The following KIAA0319 variants were observed in gnomAD, a reference collection of about 807,000 sequenced individuals.
KIAA0319 encodes dyslexia-associated protein KIAA0319.
Under a neutral mutation model 108.4 loss-of-function variants are expected in KIAA0319, and 83 were observed. That is an observed-to-expected ratio of 0.77 (90% confidence interval 0.64 to 0.92). The LOEUF (loss-of-function observed/expected upper bound fraction) is 0.92, where lower values mean the gene tolerates loss of function less well. Among genes scored for constraint, KIAA0319 ranks in the 40% least tolerant of loss-of-function variants. The pLI, the probability that KIAA0319 is intolerant of heterozygous loss-of-function variation, is 0.00. For synonymous variants in KIAA0319, 484 were observed against 510.4 expected (o/e 0.95, Z 0.70); for missense variants, 1,195 against 1,322.4 (o/e 0.90, Z 1.49).
intron 20 of KIAA0319, among the ~76,000 whole-genome samples, chr6:24,550,886 G>A (rs1184900755): frequency 5.3e-5 from 8 of 152,074 alleles, no homozygotes; most frequent in Non-Finnish European, 1.2e-4. Flanking sequence ...ATGCCTCAAA[G>A]TATTACACCA....
downstream of KIAA0319, among the ~76,000 whole-genome samples, chr6:24,542,017 G>A (rs1760210782): frequency 6.6e-6 from 1 of 152,208 alleles, no homozygotes; most frequent in South Asian, 2.1e-4. Context: ...ACACACATCT[G>A]TAATCCCAGC....
At chr6:24,609,308 G>C (rs1331621384) in intron 1 of KIAA0319, among the ~76,000 whole-genome samples, 1 of 140,382 alleles carries the variant, frequency 7.1e-6, no homozygotes, top group African/African-American at 2.6e-5. Flanking sequence ...AAAAAAGAAA[G>C]TCCGGGCGCA....
intron 20 of KIAA0319, among the ~76,000 whole-genome samples, chr6:24,550,762 C>G (rs981525457): frequency 6.6e-6 from 1 of 152,044 alleles, no homozygotes; most frequent in Non-Finnish European, 1.5e-5. Flanking sequence ...CACCCTCCAC[C>G]CGCGAGTAGA....
chr6:24,583,415 T>C (rs1489233558), intron 5 of KIAA0319, among the ~76,000 whole-genome samples, 189 bp downstream of exon 5: 1 of 152,214 alleles, frequency 6.6e-6, no homozygotes, highest in East Asian at 1.9e-4. Flanking sequence ...TTTCCTAGAT[T>C]CTTACTCCAT....
chr6:24,634,462 C>T (rs1470220634), intron 1 of KIAA0319, among the ~76,000 whole-genome samples: 2 of 152,086 alleles, frequency 1.3e-5, no homozygotes, highest in African/African-American at 4.8e-5. Flanking sequence ...AAGAGCATCA[C>T]AATGAATATT....
intron 2 of KIAA0319, chr6:24,600,659 A>G: frequency 1.3e-6 from 2 of 1,535,600 alleles, no homozygotes; most frequent in South Asian, 1.2e-5. Context: ...GTCTTCTTAA[A>G]TGATGCTCAC....
intron 3 of KIAA0319, among the ~76,000 whole-genome samples, chr6:24,590,882 C>G (rs1768364644): frequency 6.6e-6 from 1 of 152,206 alleles, no homozygotes; most frequent in Non-Finnish European, 1.5e-5. Context: ...ACACAAGGTC[C>G]TCTCTGACAA....
chr6:24,547,434 G>A lies in KIAA0319; in HGVS notation c.3041-91C>T, dbSNP rs754895152. On this transcript the variant is annotated intron_variant, in intron 20 of 20. Coordinates refer to ENST00000378214, the MANE Select transcript of KIAA0319 (RefSeq NM_014809.4). ...TGGTTGCAGGTCCTGTGATGGGCAC[G>A]GAGTGGTGCTCTCCGCCCCTTGAAA... The A allele has an allele frequency of 1.4e-5, 15 of 1,081,482 alleles. No homozygotes were observed. The East Asian group carries it at 2.3e-4, about 17-fold the overall frequency. The allele number at this position is 1,081,482 out of a possible 1,614,324, so 67.0% of individuals were successfully genotyped here.
chr6:24,571,899 C>T (rs998917372), intron 11 of KIAA0319, among the ~76,000 whole-genome samples: 2 of 152,218 alleles, frequency 1.3e-5, no homozygotes, highest in Non-Finnish European at 2.9e-5. Context: ...TTTAGTAGAG[C>T]GCCAATCACA....
At chr6:24,602,701 T>A (rs1272252864) in intron 1 of KIAA0319, among the ~76,000 whole-genome samples, 1 of 151,998 alleles carries the variant, frequency 6.6e-6, no homozygotes, top group Non-Finnish European at 1.5e-5. Context: ...CTCGGGAGGC[T>A]GAGGCAGGAG....
intron 10 of KIAA0319, 140 bp downstream of exon 10, chr6:24,576,228 T>C (rs1475357341): frequency 2.8e-6 from 2 of 706,504 alleles, no homozygotes; most frequent in Admixed American, 2.7e-5. Context: ...GCTTAGGTCC[T>C]TTTCTAATAG....
At chr6:24,622,396 C>G (rs551847271) in intron 1 of KIAA0319, among the ~76,000 whole-genome samples, 5 of 145,446 alleles carry the variant, frequency 3.4e-5, no homozygotes, top group African/African-American at 1.3e-4. Flanking sequence ...CAAAGAAAAA[C>G]TTTAAACCAC....
intron 18 of KIAA0319, 105 bp downstream of exon 18, chr6:24,556,502 T>C (rs1401724657): frequency 7.9e-6 from 10 of 1,272,408 alleles, no homozygotes; most frequent in Non-Finnish European, 1.1e-5. Flanking sequence ...GAAGTCTCAC[T>C]ATGTTGCCCA....
intron 1 of KIAA0319, among the ~76,000 whole-genome samples, chr6:24,630,043 G>C (rs1775311605): frequency 6.6e-6 from 1 of 152,156 alleles, no homozygotes; most frequent in Non-Finnish European, 1.5e-5. Context: ...GCCGGGCATG[G>C]TGGCGCATGC....
chr6:24,610,459 A>T (rs1772129908), intron 1 of KIAA0319, among the ~76,000 whole-genome samples: 1 of 152,252 alleles, frequency 6.6e-6, no homozygotes, highest in Non-Finnish European at 1.5e-5. Flanking sequence ...GAGAAATTGG[A>T]ATCCTCATAC....
chr6:24,591,348 C>T lies in KIAA0319; in HGVS notation c.802-2563G>A, dbSNP rs566263695. 3.6e-4 allele frequency among the ~76,000 whole-genome samples: 55 copies of T among 152,270 alleles called. 1 individual carries two copies. The highest frequency in any genetic ancestry group is 1.0e-3 in the African/African-American group (42 of 41,556). Reference sequence around the variant, plus strand: ...TGGGGCCAGGCATAATTGCTCACACCTGTAATCCCAGCATTTTAGGAGGCC... The same window carrying T: ...TGGGGCCAGGCATAATTGCTCACACTTGTAATCCCAGCATTTTAGGAGGCC... On this transcript the variant is annotated intron_variant, in intron 3 of 20. Coordinates refer to ENST00000378214, the MANE Select transcript of KIAA0319 (RefSeq NM_014809.4).
At position 24,572,590 on chromosome 6, in the gene KIAA0319, C is replaced by T; in HGVS notation, c.1843G>A (p.Val615Met). ...SRQQSTAVVT[V>M]IVQPENNRPP... ...CTCCACCTACCAGGCTGGACAATCA[C>T]AGTCACCACAGCAGTAGACTGTTGC... The change falls in exon 11 of 21, where the codon GTG becomes ATG. Residue 615 changes from valine to methionine, a missense_variant. Coordinates refer to ENST00000378214, the MANE Select transcript of KIAA0319 (RefSeq NM_014809.4). 1 of 1,613,334 alleles carries T rather than the reference C, an allele frequency of 6.2e-7. No homozygotes were observed. The highest frequency in any genetic ancestry group is 8.5e-7 in the Non-Finnish European group (1 of 1,179,764).
chr6:24,552,724 G>A (rs1388189498), intron 19 of KIAA0319, among the ~76,000 whole-genome samples: 1 of 152,056 alleles, frequency 6.6e-6, no homozygotes, highest in Non-Finnish European at 1.5e-5. Flanking sequence ...TCCCGCCTCA[G>A]CCTCCCAAGT....
intron 1 of KIAA0319, among the ~76,000 whole-genome samples, chr6:24,610,412 T>C (rs371366892): frequency 6.6e-6 from 1 of 152,118 alleles, no homozygotes; most frequent in Non-Finnish European, 1.5e-5. Context: ...AGCATGGCTA[T>C]AATAAAAAAG....
Sources: allele counts gnomAD v4.1 joint callset (sites outside exome capture counted in the v4.1 genomes callset), GRCh38; gene constraint gnomAD v4.1.1; transcripts MANE v1.5; gene names NCBI Gene and HGNC (gene_info 2026-07-23, HGNC 2026-07-21).